Variants in MTFR2 observed in about 807,000 individuals in gnomAD.
MTFR2 encodes the protein DUF729 domain-containing protein 1.
In MTFR2, 44 loss-of-function variants were observed where a neutral mutation model predicts 41.2. The ratio of observed to expected loss-of-function variants is 1.07; its 90% CI spans 0.84 to 1.37. The LOEUF (loss-of-function observed/expected upper bound fraction) is 1.37. Among genes scored for constraint, MTFR2 ranks in the 40% most tolerant of loss-of-function variants. The pLI is 0.00. For missense variants in MTFR2, 452 were observed against 459.5 expected (o/e 0.98, Z 0.15); for synonymous variants, 141 against 154.6 (o/e 0.91, Z 0.65).
chr6:136,241,908 C>A (rs950339359), intron 4 of MTFR2, among the ~76,000 whole-genome samples: 1 of 151,804 alleles, frequency 6.6e-6, no homozygotes, highest in African/African-American at 2.4e-5. Flanking sequence ...GAAACCCTGT[C>A]TCTACTAAAA....
At chr6:136,248,512 T>C (rs1780277734) in intron 2 of MTFR2, among the ~76,000 whole-genome samples, 1 of 152,254 alleles carries the variant, frequency 6.6e-6, no homozygotes. Context: ...GTGACTTTGC[T>C]ACTCATTTGC....
At chr6:136,237,039 G>C (rs549329972) in intron 6 of MTFR2, among the ~76,000 whole-genome samples, 9 of 152,160 alleles carry the variant, frequency 5.9e-5, no homozygotes, top group Non-Finnish European at 1.3e-4. Flanking sequence ...TGCTAAATAA[G>C]ACACTTCTCT....
Position 136,244,885 on chromosome 6 carries a change from A to C in MTFR2, c.64-16T>G, listed in dbSNP as rs1369352393. ...TCAGCAAAACCTATTTTAAACATAA[A>C]GTATGAATTAAAATGCACTCTGATT... On this transcript the variant is annotated splice_polypyrimidine_tract_variant and intron_variant, in intron 2 of 7. Transcript: ENST00000420702. 4 of 1,547,366 alleles carry C rather than the reference A, an allele frequency of 2.6e-6. No homozygotes were observed. In the South Asian group the frequency reaches 4.6e-5, roughly 18 times the overall value.
At chr6:136,236,379 GCA>G (rs1244876695) in intron 6 of MTFR2, among the ~76,000 whole-genome samples, 4 of 152,218 alleles carry the variant, frequency 2.6e-5, no homozygotes, top group African/African-American at 9.6e-5. Flanking sequence ...CAGAGAATCT[GCA>G]CGGGGAATCT....
chr6:136,238,345 T>C (rs4142187), intron 6 of MTFR2, among the ~76,000 whole-genome samples: 12 of 151,974 alleles, frequency 7.9e-5, no homozygotes, highest in Non-Finnish European at 1.5e-4. Context: ...ACAGTGGCTC[T>C]TGCCTGTAAT....
chr6:136,244,758 G>A lies in MTFR2; in HGVS notation c.168+7C>T, dbSNP rs1242455782. On this transcript the variant is annotated splice_region_variant and intron_variant, in intron 3 of 7. Transcript: ENST00000420702. The stretch of plus-strand genomic sequence containing the variant: ...GGTACTTAAACAATTTATGTTGACT[G>A]ACTTACCTCAAAATTAGGTCTTCGA... 6.3e-7 allele frequency: 1 copy of A among 1,589,944 alleles called. No homozygotes were observed. Among genetic ancestry groups the A allele is most frequent in the East Asian group, 2.2e-5 (1 of 44,622 alleles).
intron 4 of MTFR2, 127 bp from the exon 5 acceptor site, chr6:136,241,803 G>A: frequency 2.7e-6 from 2 of 741,472 alleles, no homozygotes; most frequent in Non-Finnish European, 2.1e-6. Context: ...CTCAGGCCGG[G>A]CACAGTGGCT....
intron 5 of MTFR2, among the ~76,000 whole-genome samples, chr6:136,240,999 G>A (rs1052901759): frequency 2.0e-5 from 3 of 151,764 alleles, no homozygotes; most frequent in Non-Finnish European, 4.4e-5. Context: ...GCTGAGGCAG[G>A]AGAATGGCGT....
intron 6 of MTFR2, among the ~76,000 whole-genome samples, chr6:136,237,089 C>G (rs547099451): frequency 7.9e-5 from 12 of 152,320 alleles, no homozygotes; most frequent in African/African-American, 2.2e-4. Context: ...AATGACCTGA[C>G]TTGCACCCGC....
Position 136,249,126 on chromosome 6 carries a change from C to A in MTFR2, c.-27G>T. 6.4e-7 allele frequency: 1 copy of A among 1,551,442 alleles called. No homozygotes were observed. Among genetic ancestry groups the A allele is most frequent in the South Asian group, 1.2e-5 (1 of 81,634 alleles). ...GATGAAGCAAATACAGAAGCCAATTCAAAGGAACATTATCAGTTTCTTGGT... is the reference window on the plus strand; with the variant it reads ...GATGAAGCAAATACAGAAGCCAATTAAAAGGAACATTATCAGTTTCTTGGT... On this transcript the variant is annotated 5_prime_UTR_variant, in exon 2 of 8. It removes the in-frame stop codon of an upstream open reading frame in the 5' UTR. Transcript: ENST00000420702.
At position 136,239,727 on chromosome 6, in the gene MTFR2, C is replaced by A; in HGVS notation, c.608G>T (p.Gly203Val). The A allele has an allele frequency of 6.2e-7, 1 of 1,614,030 alleles. No homozygotes were observed. The highest frequency in any genetic ancestry group is 8.5e-7 in the Non-Finnish European group (1 of 1,179,990). The change falls in exon 6 of 8, where the codon GGT becomes GTT. Residue 203 changes from glycine (G) to valine (V), a missense_variant. Transcript: ENST00000420702. ...HLSVDPDQLP[G>V]SVLSPPPPPP... The stretch of plus-strand genomic sequence containing the variant: ...AGGAGGAGGAGGAGAAAGCACTGAA[C>A]CTGGAAGCTGATCTGGGTCCACACT...
At chr6:136,249,216 C>A (rs1583978222) in intron 1 of MTFR2, 63 bp from the exon 2 acceptor site, 3 of 680,158 alleles carry the variant, frequency 4.4e-6, no homozygotes, top group Non-Finnish European at 7.0e-6. Context: ...TACTACATAA[C>A]CTGGAAAAGT....
intron 5 of MTFR2, among the ~76,000 whole-genome samples, chr6:136,240,935 C>T (rs928379622): frequency 2.8e-4 from 42 of 152,042 alleles, no homozygotes; most frequent in African/African-American, 9.7e-4. Context: ...ACTAAAAATA[C>T]AAAAAATTAG....
chr6:136,247,422 T>G (rs923059172), intron 2 of MTFR2: 12 of 438,950 alleles, frequency 2.7e-5, no homozygotes, highest in Non-Finnish European at 5.4e-5. Flanking sequence ...GTCTCTCTCC[T>G]TTCCAAGACT....
In MTFR2 at chr6:136,241,694, T is replaced by C. The variant is rs370445232; in HGVS notation, c.282-18A>G. 2.6e-6 allele frequency: 4 copies of C among 1,566,470 alleles called. No homozygotes were observed. The highest frequency in any genetic ancestry group is 2.7e-5 in the African/African-American group (2 of 72,936). On this transcript the variant is annotated intron_variant, in intron 4 of 7. Transcript: ENST00000420702. ...TACTATTTCTGTGGGTGAAAAAAAA[T>C]AGGAAATGGAGGGAAGATATATTTC...
At chr6:136,237,827 G>A (rs2128457582) in intron 6 of MTFR2, among the ~76,000 whole-genome samples, 1 of 150,284 alleles carries the variant, frequency 6.7e-6, no homozygotes, top group East Asian at 1.9e-4. Context: ...AAAAAAAAAA[G>A]AATAAAAGAA....
chr6:136,233,344 G>C lies in MTFR2; in HGVS notation c.1025C>G (p.Ser342Cys). 1 of 1,612,726 alleles carries C rather than the reference G, an allele frequency of 6.2e-7. No homozygotes were observed. The highest frequency in any genetic ancestry group is 8.5e-7 in the Non-Finnish European group (1 of 1,179,254). Residue 342 changes from serine to cysteine, a missense_variant, in exon 7 of 8, where the codon TCT becomes TGT. Physicochemically the swap from Ser to Cys is moderately radical, Grantham distance 112 (BLOSUM62 -1). Coordinates refer to ENST00000420702, the MANE Select transcript of MTFR2 (RefSeq NM_001099286.3). ...GCTTACCCTTGAAGTTTCTGGACTA[G>C]AAAATGGGGAAGATTCCCAAGATCT... ...ENRSWESSPF[S>C]SPETSRFGHH... is the part of the protein sequence containing the mutation.
chr6:136,242,059 G>A (rs1346793839), intron 4 of MTFR2, among the ~76,000 whole-genome samples: 2 of 109,838 alleles, frequency 1.8e-5, no homozygotes, highest in Non-Finnish European at 1.7e-5. Context: ...CAGCCTGGTC[G>A]ACAGAGTAAG....
intron 6 of MTFR2, among the ~76,000 whole-genome samples, chr6:136,236,963 C>T (rs9483919): frequency 0.18 from 27,817 of 152,142 alleles, 8,165 homozygotes; most frequent in African/African-American, 0.62. Flanking sequence ...AACCAGATGC[C>T]GGAAGCTGGA....
Sources: gnomAD v4.1 joint callset for allele counts (sites outside exome capture counted in the v4.1 genomes callset) on GRCh38, gnomAD v4.1.1 for gene constraint, MANE v1.5 for transcripts, NCBI Gene and HGNC (gene_info 2026-07-23, HGNC 2026-07-21) for gene names.